CFH: variants seen among roughly 807,000 people sequenced by gnomAD.
CFH encodes the protein H factor 1 (complement).
CFH carries 53 observed loss-of-function variants against 147.3 expected under a neutral mutation model. That is an observed-to-expected ratio of 0.36 (90% CI 0.29 to 0.45). CFH has a LOEUF of 0.45. CFH is among the 20% of genes least tolerant of loss of function. CFH has a pLI of 1.00. For missense variants in CFH, 1,380 were observed against 1,498.0 expected (o/e 0.92, Z 1.30); for synonymous variants, 536 against 489.4 (o/e 1.10, Z -1.26).
chr1:196,745,379 A>C (rs1437076123), intron 20 of CFH, among the ~76,000 whole-genome samples: 1 of 152,026 alleles, frequency 6.6e-6, no homozygotes, highest in African/African-American at 2.4e-5. Flanking sequence ...ATATTGCTGT[A>C]TGTTCAAGTT....
chr1:196,726,585 T>G lies in CFH; in HGVS notation c.1989T>G (p.Phe663Leu). ...TGGAATATTATTGCAATCCTAGATT[T>G]CTAATGAAGGGACCTAATAAAATTC... ...EVVEYYCNPR[F>L]LMKGPNKIQC... is the part of the protein sequence containing the mutation. The change falls in exon 13 of 22, where the codon TTT becomes TTG. Residue 663 changes from phenylalanine (F) to leucine (L), a missense_variant. Phe to Leu is a conservative substitution (Grantham distance 22). Around this residue, in one of 4 missense-constraint regions of CFH, gnomAD observed 830 missense variants for 821.4 expected, o/e 1.01. Coordinates refer to ENST00000367429, the MANE Select transcript of CFH (RefSeq NM_000186.4). The G allele has an allele frequency of 1.2e-6, 2 of 1,612,846 alleles. No homozygotes were observed. The highest frequency in any genetic ancestry group is 1.7e-6 in the Non-Finnish European group (2 of 1,178,904).
chr1:196,652,198 T>A, intron 1 of CFH, 23 bp downstream of exon 1: 2 of 1,555,736 alleles, frequency 1.3e-6, no homozygotes, highest in Non-Finnish European at 1.8e-6. Flanking sequence ...GAGACTCTTT[T>A]CTGAAAACTG....
chr1:196,670,423 T>C (rs1479957545), intron 1 of CFH, among the ~76,000 whole-genome samples: 2 of 152,150 alleles, frequency 1.3e-5, no homozygotes, highest in African/African-American at 4.8e-5. Context: ...CCCTGTGTGT[T>C]GAGGGAAGGA....
At chr1:196,741,768 C>T in intron 18 of CFH, 107 bp from the exon 19 acceptor site, 1 of 980,716 alleles carries the variant, frequency 1.0e-6, no homozygotes, top group Non-Finnish European at 1.6e-6. Context: ...AAATGTTGTA[C>T]AGTATTCATT....
chr1:196,687,126 G>A (rs969755951), intron 7 of CFH, among the ~76,000 whole-genome samples: 4 of 151,948 alleles, frequency 2.6e-5, no homozygotes, highest in African/African-American at 9.7e-5. Context: ...CTGGACTTGG[G>A]TCAAATAAAT....
At chr1:196,719,491 G>A (rs1394930306) in intron 11 of CFH, among the ~76,000 whole-genome samples, 1 of 151,822 alleles carries the variant, frequency 6.6e-6, no homozygotes, top group Non-Finnish European at 1.5e-5. Flanking sequence ...AATTTTTGTA[G>A]TTATTATTTT....
chr1:196,661,102 T>A (rs1346593073), intron 1 of CFH, among the ~76,000 whole-genome samples: 2 of 152,172 alleles, frequency 1.3e-5, no homozygotes, highest in Non-Finnish European at 2.9e-5. Context: ...GTTGTTATGA[T>A]AGAGTATTAG....
intron 9 of CFH, among the ~76,000 whole-genome samples, chr1:196,696,706 A>G (rs1668285416): frequency 6.6e-6 from 1 of 152,210 alleles, no homozygotes; most frequent in Non-Finnish European, 1.5e-5. Context: ...AGTCAATCCT[A>G]AGACAAAAGA....
At position 196,745,628 on chromosome 1, in the gene CFH, C is replaced by A. The variant is rs149950523; in HGVS notation, c.3311-189C>A. ...TAATGTTTTATGTGTTCTTTCAGTA[C>A]GGAGAAAAGAACTTAAATATATTAC... On this transcript the variant is annotated intron_variant, in intron 20 of 21. Transcript: ENST00000367429. 8.5e-4 allele frequency among the ~76,000 whole-genome samples: 129 copies of A among 152,200 alleles called. 1 individual carries two copies. The East Asian group carries it at 0.021, about 24-fold the overall frequency.
At chr1:196,708,611 A>T (rs1668650714) in intron 9 of CFH, among the ~76,000 whole-genome samples, 1 of 90,518 alleles carries the variant, frequency 1.1e-5, no homozygotes, top group African/African-American at 4.1e-5. Context: ...TATATTCCCC[A>T]TGAAAAAATC....
rs536566860 is a variant in CFH, at chr1:196,743,768, C to A, written c.3310+140C>A. 7 of 1,268,588 alleles carry A rather than the reference C, an allele frequency of 5.5e-6. No individual in the cohort carries two copies. In the South Asian group the frequency reaches 7.6e-5, roughly 14 times the overall value. 78.6% of individuals were successfully genotyped at this position (1,268,588 alleles called of 1,614,324 possible). A position where few individuals can be genotyped will look rare whatever the true frequency, so the allele number is the denominator to read the frequency against. ...GACTGATGGTGCTTAAAATTCAATT[C>A]TTCCTGTGAACAGAACACAAGTAAT... is the stretch of plus-strand genomic sequence containing the variant. On this transcript the variant is annotated intron_variant, in intron 20 of 21. Transcript: ENST00000367429.
chr1:196,720,530 G>A (rs1400318067), intron 11 of CFH, among the ~76,000 whole-genome samples: 1 of 151,914 alleles, frequency 6.6e-6, no homozygotes, highest in Admixed American at 6.6e-5. Flanking sequence ...GTGACAATAT[G>A]TGGGATTTTA....
At chr1:196,728,656 A>G in intron 15 of CFH, 134 bp downstream of exon 15, 1 of 824,668 alleles carries the variant, frequency 1.2e-6, no homozygotes, top group African/African-American at 1.7e-5. Context: ...ACTAGAAACT[A>G]ATGAAAACAC....
chr1:196,724,422 G>T (rs1032219526), intron 11 of CFH, among the ~76,000 whole-genome samples: 2 of 152,102 alleles, frequency 1.3e-5, no homozygotes, highest in Non-Finnish European at 2.9e-5. Flanking sequence ...CCCTCAAGAA[G>T]TTCCCAAATC....
chr1:196,746,202 T>G (rs1652998529), intron 21 of CFH, among the ~76,000 whole-genome samples: 1 of 152,054 alleles, frequency 6.6e-6, no homozygotes, highest in African/African-American at 2.4e-5. Context: ...TCCCAGCACT[T>G]TGGGAGGCTG....
chr1:196,734,158 G>C (rs1669343858), intron 15 of CFH, among the ~76,000 whole-genome samples: 1 of 152,108 alleles, frequency 6.6e-6, no homozygotes, highest in Non-Finnish European at 1.5e-5. Flanking sequence ...TAATTGTGTG[G>C]TGCAGTGAAC....
intron 6 of CFH, among the ~76,000 whole-genome samples, chr1:196,682,993 C>T (rs1667706351): frequency 2.7e-5 from 2 of 73,270 alleles, no homozygotes; most frequent in Admixed American, 1.7e-4. Context: ...TTATGTTTGA[C>T]TAATATACAA....
chr1:196,668,369 A>C (rs1241026999), intron 1 of CFH, among the ~76,000 whole-genome samples: 2 of 152,192 alleles, frequency 1.3e-5, no homozygotes, highest in African/African-American at 4.8e-5. Flanking sequence ...TCAGCACTTT[A>C]GTAATGCTAA....
chr1:196,724,229 G>A (rs1001960221), intron 11 of CFH, among the ~76,000 whole-genome samples: 7 of 151,908 alleles, frequency 4.6e-5, no homozygotes, highest in Admixed American at 4.6e-4. Flanking sequence ...ATGGGTGACT[G>A]CCACATCCAA....
Sources: gnomAD v4.1 joint callset for allele counts (sites outside exome capture counted in the v4.1 genomes callset) on GRCh38, gnomAD v4.1.1 for gene constraint, gnomAD v4.1.1 regional missense constraint, MANE v1.5 for transcripts, NCBI Gene and HGNC (gene_info 2026-07-23, HGNC 2026-07-21) for gene names.